Variants in NOTCH1 observed in about 807,000 individuals in gnomAD.
NOTCH1 encodes notch receptor 1.
Under a neutral mutation model 254.8 loss-of-function variants are expected in NOTCH1, and 37 were observed. That is an observed-to-expected ratio of 0.15 (90% confidence interval 0.11 to 0.19). The LOEUF (loss-of-function observed/expected upper bound fraction) is 0.19. Among genes scored for constraint, NOTCH1 ranks in the 10% least tolerant of loss-of-function variants. The probability of loss-of-function intolerance (pLI) is 1.00; values close to 1 mark genes in which losing one functional copy is unlikely to be tolerated. For missense variants in NOTCH1, 2,972 were observed against 3,708.6 expected (o/e 0.80, Z 5.16); for synonymous variants, 1,731 against 1,618.1 (o/e 1.07, Z -1.68).
chr9:136,544,648 G>A (rs1355134751), intron 1 of NOTCH1, among the ~76,000 whole-genome samples: 2 of 151,976 alleles, frequency 1.3e-5, no homozygotes, highest in Admixed American at 6.6e-5. Flanking sequence ...ACAAAGCGCC[G>A]GCCTCCGCCT....
chr9:136,532,688 G>A (rs890467623), intron 2 of NOTCH1, among the ~76,000 whole-genome samples: 3 of 152,206 alleles, frequency 2.0e-5, no homozygotes. Flanking sequence ...GGGGCTGTCA[G>A]GAGCCCTGGG....
intron 4 of NOTCH1, among the ~76,000 whole-genome samples, chr9:136,522,122 C>T (rs1473785545): frequency 4.6e-5 from 7 of 151,902 alleles, no homozygotes; most frequent in Non-Finnish European, 7.4e-5. Context: ...GGACTACAGG[C>T]GCGTGCCACC....
intron 2 of NOTCH1, among the ~76,000 whole-genome samples, chr9:136,537,787 C>A (rs142297631): frequency 6.6e-6 from 1 of 152,100 alleles, no homozygotes; most frequent in African/African-American, 2.4e-5. Context: ...CAGGGTGAGA[C>A]CCCATCTCAA....
Position 136,497,643 on chromosome 9 carries a change from C to T in NOTCH1, c.6181-85G>A. The T allele has an allele frequency of 2.4e-6, 3 of 1,226,476 alleles. No homozygotes were observed. The East Asian group carries it at 7.6e-5, about 31-fold the overall frequency. The allele number at this position is 1,226,476 out of a possible 1,614,324, so 76.0% of individuals were successfully genotyped here. On this transcript the variant is annotated intron_variant, in intron 33 of 33. Transcript: ENST00000651671. ...AAGGTTCCATCACCAGAGGAAGCAG[C>T]AGTACAACCTCCTCCGCGGGGTGGG... is the stretch of plus-strand genomic sequence containing the variant.
At chr9:136,529,701 G>A (rs530087389) in intron 2 of NOTCH1, among the ~76,000 whole-genome samples, 4 of 152,346 alleles carry the variant, frequency 2.6e-5, no homozygotes, top group East Asian at 3.9e-4. Flanking sequence ...GAGCCTCTGC[G>A]GTGGCTAGGA....
chr9:136,510,497 A>G (rs1589062465), intron 17 of NOTCH1, 156 bp downstream of exon 17: 2 of 991,882 alleles, frequency 2.0e-6, no homozygotes, highest in Admixed American at 2.1e-5. Context: ...CACCCTGGCC[A>G]TCCCTCAGCA....
rs371359766 is a variant in NOTCH1 at position 136,510,825 on chromosome 9, C to T, written c.2588-20G>A. The T allele has an allele frequency of 4.7e-5, 76 of 1,605,906 alleles. No homozygotes were observed. In the East Asian group the frequency reaches 8.3e-4, roughly 17 times the overall value. ...TCTGCCCTGCGGGGCAGGAGGAGGC[C>T]GGTTGGTCACCAGCGGCCCCTGGCC... On this transcript the variant is annotated intron_variant, in intron 16 of 33. Coordinates refer to ENST00000651671, the MANE Select transcript of NOTCH1 (RefSeq NM_017617.5).
Position 136,545,554 on chromosome 9 carries a change from G to C in NOTCH1, c.61+172C>G, listed in dbSNP as rs1293886304. ...CACGGGGGGATCGAGGGGGAAGGTC[G>C]GTCCTCCCTGATCCCGGGACTCCAG... On this transcript the variant is annotated intron_variant, in intron 1 of 33. Coordinates refer to ENST00000651671, the MANE Select transcript of NOTCH1 (RefSeq NM_017617.5). This position sits in a 1 kb window ranked among gnomAD's most constrained non-coding sequence, Gnocchi z 6.8. 5.9e-5 allele frequency among the ~76,000 whole-genome samples: 9 copies of C among 151,754 alleles called. No individual in the cohort carries two copies. Among genetic ancestry groups the C allele is most frequent in the African/African-American group, 2.2e-4 (9 of 41,314 alleles).
At chr9:136,532,574 G>A (rs943224020) in intron 2 of NOTCH1, among the ~76,000 whole-genome samples, 6 of 152,144 alleles carry the variant, frequency 3.9e-5, no homozygotes, top group South Asian at 2.1e-4. Flanking sequence ...CGGGCGTGCC[G>A]CCCGAGACCC....
intron 5 of NOTCH1, among the ~76,000 whole-genome samples, chr9:136,519,033 C>T (rs971718573): frequency 6.6e-6 from 1 of 152,222 alleles, no homozygotes; most frequent in Admixed American, 6.5e-5. Context: ...ACTGCTGCGT[C>T]GGGGTGCACC....
rs1313068805 is a variant in NOTCH1, at chr9:136,501,778, C to T, written c.5608G>A (p.Asp1870Asn). The change falls in exon 30 of 34, where the codon GAC (aspartate) becomes AAC (asparagine). Residue 1870 changes from aspartate (D) to asparagine (N), a missense_variant. By Grantham distance (23) the Asp-to-Asn change is conservative. Transcript: ENST00000651671. The part of the protein sequence containing the change: ...PTPPQGEVDA[D>N]CMDVNVRGPD... Reference sequence around the variant, plus strand: ...CCGCGGACATTGACGTCCATGCAGTCGGCGTCAACCTCACCCTGGGGCGGT... The same window carrying T: ...CCGCGGACATTGACGTCCATGCAGTTGGCGTCAACCTCACCCTGGGGCGGT... 5.6e-6 allele frequency: 9 copies of T among 1,612,392 alleles called. No homozygotes were observed. Among genetic ancestry groups the T allele is most frequent in the South Asian group, 3.3e-5 (3 of 91,068 alleles).
At chr9:136,512,982 G>C in intron 15 of NOTCH1, 39 bp downstream of exon 15, 4 of 663,498 alleles carry the variant, frequency 6.0e-6, no homozygotes, top group Admixed American at 2.4e-5. Context: ...TCCCACATAG[G>C]CCCCGCCCCC....
intron 2 of NOTCH1, chr9:136,543,491 G>C (rs113038700): frequency 3.6e-6 from 1 of 274,502 alleles, no homozygotes; most frequent in Non-Finnish European, 7.0e-6. Context: ...GAGGCATCAC[G>C]CACCCAGAGG....
chr9:136,508,520 G>T, intron 19 of NOTCH1, 135 bp from the exon 20 acceptor site: 1 of 1,284,338 alleles, frequency 7.8e-7, no homozygotes, highest in Non-Finnish European at 1.1e-6. Flanking sequence ...TGCCGCCCCT[G>T]GACTCCCCAC....
intron 33 of NOTCH1, among the ~76,000 whole-genome samples, chr9:136,497,931 G>A (rs960978776): frequency 2.0e-5 from 3 of 152,182 alleles, no homozygotes; most frequent in Admixed American, 2.0e-4. Flanking sequence ...AGGCACCGGC[G>A]AGGGCACCAG....
At chr9:136,516,137 A>C (rs4880099) in intron 9 of NOTCH1, 43 bp from the exon 10 acceptor site, 3 of 1,443,128 alleles carry the variant, frequency 2.1e-6, no homozygotes, top group Non-Finnish European at 2.9e-6. Context: ...GTGCAACAGC[A>C]CTATGGCCCT....
rs779908981 is a variant in NOTCH1 at position 136,511,216 on chromosome 9, G to A, written c.2523C>T (p.Gly841=). Reference sequence around the variant, plus strand: ...AGTCCTCGGATTGCCTGCACTCCCCGCCGTTTCTGCAGGGGCTGGGGGCAC... The same window carrying A: ...AGTCCTCGGATTGCCTGCACTCCCCACCGTTTCTGCAGGGGCTGGGGGCAC... ...APCAPSPCRN[G]GECRQSEDYE... is the part of the protein sequence containing the mutation. Residue 841 remains glycine, a synonymous_variant, in exon 16 of 34, where the codon GGC becomes GGT. Coordinates refer to ENST00000651671, the MANE Select transcript of NOTCH1 (RefSeq NM_017617.5). 2.0e-5 allele frequency: 32 copies of A among 1,612,114 alleles called. No individual in the cohort carries two copies. Among genetic ancestry groups the A allele is most frequent in the African/African-American group, 2.7e-5 (2 of 74,894 alleles).
chr9:136,513,583 C>T lies in NOTCH1; in HGVS notation c.2208-46G>A, dbSNP rs772256523. The T allele has an allele frequency of 1.5e-5, 24 of 1,609,100 alleles. No individual in the cohort carries two copies. The highest frequency in any genetic ancestry group is 3.3e-5 in the South Asian group (3 of 90,824). On this transcript the variant is annotated intron_variant, in intron 13 of 33. Coordinates refer to ENST00000651671, the MANE Select transcript of NOTCH1 (RefSeq NM_017617.5). This position sits in a 1 kb window ranked among gnomAD's most constrained non-coding sequence, Gnocchi z 4.7. ...CAGGTCGAGGGAGGCCCGAGCAGCA[C>T]GGCCGGGGCCTGGGCACTCCCGGGT...
At chr9:136,505,209 C>A (rs1843061694) in intron 25 of NOTCH1, 101 bp downstream of exon 25, 1 of 1,519,742 alleles carries the variant, frequency 6.6e-7, no homozygotes, top group African/African-American at 1.4e-5. Flanking sequence ...TCCCTGCACC[C>A]CCTGAGCAGA....
Sources: allele counts gnomAD v4.1 joint callset (sites outside exome capture counted in the v4.1 genomes callset), GRCh38; gene constraint gnomAD v4.1.1; non-coding constraint Gnocchi (gnomAD v3.1); transcripts MANE v1.5; gene names NCBI Gene and HGNC (gene_info 2026-07-23, HGNC 2026-07-21).